The following ZMIZ2 variants were observed in gnomAD, a reference collection of about 807,000 sequenced individuals.
The protein encoded by ZMIZ2 is zinc finger MIZ domain-containing protein 2.
A neutral mutation model predicts 93.9 loss-of-function variants in ZMIZ2; 26 were observed. The ratio of observed to expected loss-of-function variants is 0.28; its 90% CI spans 0.20 to 0.38. The LOEUF (loss-of-function observed/expected upper bound fraction) is 0.38. Among genes scored for constraint, ZMIZ2 ranks in the 10% least tolerant of loss-of-function variants. ZMIZ2 has a pLI of 1.00. For missense variants in ZMIZ2, 1,023 were observed against 1,235.0 expected (o/e 0.83, Z 2.57); for synonymous variants, 485 against 516.4 (o/e 0.94, Z 0.82).
rs866548189 is a variant in ZMIZ2 at position 44,764,311 on chromosome 7, T to C, written c.1861-108T>C. On this transcript the variant is annotated intron_variant, in intron 13 of 18. Transcript: ENST00000309315. ...AAACCTGGTACATGCAGTATCTCAGTTATGCATGTAAATAAGTCACACATT... is the reference window on the plus strand; with the variant it reads ...AAACCTGGTACATGCAGTATCTCAGCTATGCATGTAAATAAGTCACACATT... 23 of 1,012,210 alleles carry C rather than the reference T, an allele frequency of 2.3e-5. No homozygotes were observed. The South Asian group carries it at 3.1e-4, about 14-fold the overall frequency. The allele number at this position is 1,012,210 out of a possible 1,614,324, so 62.7% of individuals were successfully genotyped here.
Position 44,768,571 on chromosome 7 carries a change from G to C in ZMIZ2, c.*948G>C, listed in dbSNP as rs1791930066. 6.6e-6 allele frequency: 1 copy of C among 152,372 alleles called. No individual in the cohort carries two copies. Among genetic ancestry groups the C allele is most frequent in the South Asian group, 2.1e-4 (1 of 4,840 alleles). 9.4% of individuals were successfully genotyped at this position (152,372 alleles called of 1,614,324 possible). On this transcript the variant is annotated 3_prime_UTR_variant, in exon 19 of 19. Transcript: ENST00000309315. ...TCTCCACCCCATGGGCCCACACCCA[G>C]GTGGGGGAGGAGGAAGCCACTGCAT...
chr7:44,749,581 C>T (rs1789955860), intron 1 of ZMIZ2, among the ~76,000 whole-genome samples: 1 of 152,210 alleles, frequency 6.6e-6, no homozygotes, highest in African/African-American at 2.4e-5. Flanking sequence ...CATACTGAAG[C>T]TCAGGCGTGA....
At chr7:44,758,638 C>T (rs573572777) in intron 6 of ZMIZ2, among the ~76,000 whole-genome samples, 5 of 151,908 alleles carry the variant, frequency 3.3e-5, no homozygotes, top group East Asian at 3.9e-4. Flanking sequence ...TTAGGCCGGG[C>T]GCGGTGGCTC....
chr7:44,757,239 C>T (rs1309167923), intron 4 of ZMIZ2, 90 bp downstream of exon 4: 1 of 1,506,854 alleles, frequency 6.6e-7, no homozygotes, highest in Non-Finnish European at 8.8e-7. Flanking sequence ...CTGGACGTTC[C>T]CTCTCTGCTT....
rs1212729172 is a variant in ZMIZ2, at chr7:44,763,260, G to C, written c.1707G>C (p.Lys569Asn). 1 of 1,613,950 alleles carries C rather than the reference G, an allele frequency of 6.2e-7. No homozygotes were observed. The part of the protein sequence containing the change: ...LPAEHCITKI[K>N]RNFSSGTIPG... ...CCTTTACCTTGTTGATGTCAGTAAA[G>C]CGGAACTTCAGCAGCGGCACCATCC... Residue 569 changes from lysine (K) to asparagine (N), a missense_variant, in exon 13 of 19, where the codon AAG becomes AAC. This residue lies in a region of ZMIZ2 where 656 missense variants were observed against 777.1 expected (regional missense o/e 0.84). Coordinates refer to ENST00000309315, the MANE Select transcript of ZMIZ2 (RefSeq NM_031449.4). This position sits in a 1 kb window ranked among gnomAD's most constrained non-coding sequence, Gnocchi z 5.6.
chr7:44,756,308 G>T lies in ZMIZ2; in HGVS notation c.50+9G>T, dbSNP rs757849316. ...CCCCCTGCGCCACACGGGTGAGTGT[G>T]GGCTCCTCTGCCCACCCCTCAGGCC... On this transcript the variant is annotated intron_variant, in intron 2 of 18. Coordinates refer to ENST00000309315, the MANE Select transcript of ZMIZ2 (RefSeq NM_031449.4). 6 of 1,613,852 alleles carry T rather than the reference G, an allele frequency of 3.7e-6. No individual in the cohort carries two copies. Among genetic ancestry groups the T allele is most frequent in the Non-Finnish European group, 5.1e-6 (6 of 1,179,976 alleles).
intron 18 of ZMIZ2, 132 bp from the exon 19 acceptor site, chr7:44,767,384 C>G: frequency 1.2e-6 from 1 of 804,292 alleles, no homozygotes; most frequent in South Asian, 1.6e-5. Flanking sequence ...CGCACCCGGC[C>G]TGTGTGTGAG....
At chr7:44,751,064 G>C (rs751634446) in intron 1 of ZMIZ2, 1 of 152,228 alleles carries the variant, frequency 6.6e-6, no homozygotes, top group African/African-American at 2.4e-5. Context: ...AGTTCGGGTC[G>C]GCAGGAAATC....
rs1791731052 is a variant in ZMIZ2 at position 44,766,564 on chromosome 7, C to G, written c.2556C>G (p.Ser852Arg). The G allele has an allele frequency of 6.2e-7, 1 of 1,613,784 alleles. No homozygotes were observed. Among genetic ancestry groups the G allele is most frequent in the African/African-American group, 1.3e-5 (1 of 74,926 alleles). The change falls in exon 18 of 19, where the codon AGC becomes AGG. Residue 852 changes from serine to arginine, a missense_variant. Ser to Arg is a moderately radical substitution (Grantham distance 110, BLOSUM62 -1). Coordinates refer to ENST00000309315, the MANE Select transcript of ZMIZ2 (RefSeq NM_031449.4). The surrounding 1 kb of genome is among the most constrained non-coding windows in gnomAD (Gnocchi z 4.4). ...CCCGGCAGTCCTTGGGCCAAGCGAGCTTAGGACCTACGGGTGAACTGGCCT... is the reference window on the plus strand; with the variant it reads ...CCCGGCAGTCCTTGGGCCAAGCGAGGTTAGGACCTACGGGTGAACTGGCCT... ...PASRQSLGQASLGPTGELAFS... is the reference protein window; with the variant it reads ...PASRQSLGQARLGPTGELAFS...
chr7:44,759,096 A>AC (rs1554321205), intron 6 of ZMIZ2, among the ~76,000 whole-genome samples, 185 bp from the exon 7 acceptor site: 1 of 147,568 alleles, frequency 6.8e-6, no homozygotes, highest in East Asian at 2.0e-4. Context: ...AAAAAAAAAA[A>AC]AAAAAAAAAA....
chr7:44,759,092 A>AAC (rs1554321195), intron 6 of ZMIZ2, among the ~76,000 whole-genome samples, 189 bp from the exon 7 acceptor site: 1 of 146,658 alleles, frequency 6.8e-6, no homozygotes, highest in Non-Finnish European at 1.5e-5. Flanking sequence ...ATTAAAAAAA[A>AAC]AAAAAAAAAA....
In ZMIZ2 at chr7:44,766,116, CGGT is replaced by C. The variant is rs768193408; in HGVS notation, c.2243-45_2243-43del. On this transcript the variant is annotated intron_variant, in intron 16 of 18. Coordinates refer to ENST00000309315, the MANE Select transcript of ZMIZ2 (RefSeq NM_031449.4). The surrounding 1 kb of genome is among the most constrained non-coding windows in gnomAD (Gnocchi z 4.4). ...GCCTCCCTCCTGGCTCCTCTGCCAGCGGTGGCCTTCCCCAGCCCTCACCCAGGC... is the reference window on the plus strand; with the variant it reads ...GCCTCCCTCCTGGCTCCTCTGCCAGCGGCCTTCCCCAGCCCTCACCCAGGC... 91 of 1,538,350 alleles carry C rather than the reference CGGT, an allele frequency of 5.9e-5. No individual in the cohort carries two copies. Among genetic ancestry groups the C allele is most frequent in the Non-Finnish European group, 7.3e-5 (84 of 1,148,200 alleles).
Position 44,766,041 on chromosome 7 carries a change from C to A in ZMIZ2, c.2243-123C>A. 1 of 1,462,216 alleles carries A rather than the reference C, an allele frequency of 6.8e-7. No individual in the cohort carries two copies. Among genetic ancestry groups the A allele is most frequent in the Admixed American group, 2.7e-5 (1 of 37,498 alleles). 90.6% of individuals were successfully genotyped at this position (1,462,216 alleles called of 1,614,324 possible). A position where few individuals can be genotyped will look rare whatever the true frequency, so the allele number is the denominator to read the frequency against. On this transcript the variant is annotated intron_variant, in intron 16 of 18. Transcript: ENST00000309315. This position sits in a 1 kb window ranked among gnomAD's most constrained non-coding sequence, Gnocchi z 4.4. ...TTCCAAATAGCGACTTCTGCAAAAC[C>A]CGCTGTTGTTTGTGGGTGAGCACTG...
intron 6 of ZMIZ2, among the ~76,000 whole-genome samples, chr7:44,758,442 G>A (rs1482756423): frequency 1.3e-5 from 2 of 151,470 alleles, no homozygotes; most frequent in Admixed American, 6.6e-5. Context: ...CTGCACTTCA[G>A]GCTGGGCAAC....
chr7:44,757,563 T>A lies in ZMIZ2; in HGVS notation c.552+2T>A. 1 of 1,589,108 alleles carries A rather than the reference T, an allele frequency of 6.3e-7. No homozygotes were observed. Among genetic ancestry groups the A allele is most frequent in the Non-Finnish European group, 8.6e-7 (1 of 1,165,086 alleles). ...CAGGAGCTGAGCCAGTATGGAGCGG[T>A]GAGCCCCCTCAGCAGCTCCTCCCAC... On this transcript the variant is annotated splice_donor_variant, in intron 5 of 18. Coordinates refer to ENST00000309315, the MANE Select transcript of ZMIZ2 (RefSeq NM_031449.4). LOFTEE classifies it high-confidence loss of function.
chr7:44,766,888 C>T lies in ZMIZ2; in HGVS notation c.2655+225C>T, dbSNP rs1439347097. On this transcript the variant is annotated intron_variant, in intron 18 of 18. Transcript: ENST00000309315. This position sits in a 1 kb window ranked among gnomAD's most constrained non-coding sequence, Gnocchi z 4.4. The stretch of plus-strand genomic sequence containing the variant: ...ATGAGGGGCCTGGATGCCGTACGGG[C>T]GGACGCAGAGTCTCAGAGGAGACTG... Among the ~76,000 whole-genome samples the T allele has an allele frequency of 3.3e-5, 5 of 152,034 alleles. No individual in the cohort carries two copies. Among genetic ancestry groups the T allele is most frequent in the Non-Finnish European group, 5.9e-5 (4 of 68,004 alleles).
In ZMIZ2 at chr7:44,756,229, C is replaced by CAA. The variant is rs781591486; in HGVS notation, c.-21_-20insAA. On this transcript the variant is annotated 5_prime_UTR_variant, in exon 2 of 19. In the 5' UTR this introduces an upstream ATG that the reference lacks. Transcript: ENST00000309315. Reference sequence around the variant, plus strand: ...CCAGATAAAAACTGTCAGACCCGGCCTGTAGGCTGCTCCATTGCCAATGAA... The same window carrying CAA: ...CCAGATAAAAACTGTCAGACCCGGCCAATGTAGGCTGCTCCATTGCCAATGAA... The CAA allele has an allele frequency of 1.2e-6, 2 of 1,614,040 alleles. No homozygotes were observed. The highest frequency in any genetic ancestry group is 2.2e-5 in the South Asian group (2 of 91,090).
chr7:44,749,495 G>A (rs1482764624), intron 1 of ZMIZ2, among the ~76,000 whole-genome samples: 1 of 152,216 alleles, frequency 6.6e-6, no homozygotes, highest in Non-Finnish European at 1.5e-5. Flanking sequence ...GAGCTGTTCC[G>A]CTCCTGGGCT....
At chr7:44,751,944 A>G (rs1028990298) in intron 1 of ZMIZ2, among the ~76,000 whole-genome samples, 4 of 152,034 alleles carry the variant, frequency 2.6e-5, no homozygotes, top group African/African-American at 9.7e-5. Context: ...CCTCGGTGAA[A>G]GAGCAAGATT....
Sources: allele counts gnomAD v4.1 joint callset (sites outside exome capture counted in the v4.1 genomes callset), GRCh38; gene constraint gnomAD v4.1.1; regional missense constraint gnomAD v4.1.1; non-coding constraint Gnocchi (gnomAD v3.1); transcripts MANE v1.5; gene names NCBI Gene and HGNC (gene_info 2026-07-23, HGNC 2026-07-21).